Variants in TMEM232 observed in about 807,000 individuals in gnomAD.
TMEM232 encodes transmembrane protein 232.
Under a neutral mutation model 78.8 loss-of-function variants are expected in TMEM232, and 80 were observed. The ratio of observed to expected loss-of-function variants is 1.01; its 90% confidence interval spans 0.85 to 1.22. The LOEUF (loss-of-function observed/expected upper bound fraction) is 1.22. TMEM232 is among the 50% of genes most tolerant of loss of function. The pLI, the probability that TMEM232 is intolerant of heterozygous loss-of-function variation, is 0.00. For synonymous variants in TMEM232, 297 were observed against 254.3 expected, an observed-to-expected ratio of 1.17 and a Z score of -1.60; for missense variants, 881 against 742.2, an observed-to-expected ratio of 1.19 and a Z score of -2.17.
At chr5:110,692,150 G>A (rs116582456) in intron 1 of TMEM232, among the ~76,000 whole-genome samples, 1,793 of 152,122 alleles carry the variant, frequency 0.012, 23 homozygotes, top group African/African-American at 0.035. Context: ...CTTGTACTCC[G>A]GACTCATGAT....
chr5:110,524,415 GAAAAGAAAAGA>G (rs1175791313), intron 12 of TMEM232, among the ~76,000 whole-genome samples: 3 of 62,818 alleles, frequency 4.8e-5, no homozygotes, highest in East Asian at 6.0e-4. Context: ...AAGAAAGAAA[GAAAAGAAAAGA>G]AAAGAAAAGA....
intron 10 of TMEM232, among the ~76,000 whole-genome samples, chr5:110,587,537 T>G (rs1342824608): frequency 6.6e-6 from 1 of 151,746 alleles, no homozygotes; most frequent in East Asian, 1.9e-4. Context: ...CTACATTTAG[T>G]TGCCAACACA....
chr5:110,554,264 A>G (rs1298887834), intron 11 of TMEM232, among the ~76,000 whole-genome samples: 2 of 152,058 alleles, frequency 1.3e-5, no homozygotes, highest in Non-Finnish European at 2.9e-5. Flanking sequence ...AAAAATGTGA[A>G]AAGAGAGACT....
chr5:110,597,913 A>C (rs1412671443), intron 10 of TMEM232, among the ~76,000 whole-genome samples: 1 of 152,242 alleles, frequency 6.6e-6, no homozygotes, highest in Non-Finnish European at 1.5e-5. Context: ...TAAAAACCCT[A>C]GAAGAAACCT....
intron 10 of TMEM232, among the ~76,000 whole-genome samples, chr5:110,571,425 C>G (rs952693353): frequency 1.3e-4 from 19 of 151,890 alleles, no homozygotes; most frequent in African/African-American, 4.1e-4. Flanking sequence ...ACATTTAGGT[C>G]AGGAATATGG....
intron 2 of TMEM232, among the ~76,000 whole-genome samples, chr5:110,663,731 G>A (rs1790125703): frequency 7.8e-6 from 1 of 127,954 alleles, no homozygotes. Flanking sequence ...GGAAGGAAAT[G>A]TGTGTGTGTG....
chr5:110,394,295 A>C (rs1415558944), intron 3 of TMEM232, among the ~76,000 whole-genome samples: 1 of 152,180 alleles, frequency 6.6e-6, no homozygotes, highest in East Asian at 1.9e-4. Flanking sequence ...CATTCTTTTT[A>C]TGTCTACATG....
chr5:110,591,816 A>C (rs1779575813), intron 10 of TMEM232, among the ~76,000 whole-genome samples: 1 of 152,162 alleles, frequency 6.6e-6, no homozygotes, highest in Non-Finnish European at 1.5e-5. Flanking sequence ...TAAAGGTATT[A>C]TTATGAGAAA....
intron 11 of TMEM232, among the ~76,000 whole-genome samples, chr5:110,533,992 T>C (rs1227508209): frequency 1.3e-5 from 2 of 152,164 alleles, no homozygotes; most frequent in Non-Finnish European, 2.9e-5. Flanking sequence ...TCAAGGATTA[T>C]TGAGGCCCTC....
intron 11 of TMEM232, among the ~76,000 whole-genome samples, chr5:110,530,229 G>A (rs1056823189): frequency 6.6e-6 from 1 of 152,150 alleles, no homozygotes; most frequent in Admixed American, 6.5e-5. Flanking sequence ...TTAAAGTAAT[G>A]AGAAAAATAG....
At position 110,515,765 on chromosome 5, in the gene TMEM232, C is replaced by G. The variant is rs371190229; in HGVS notation, c.1703+12823G>C. ...TTAGCTACTCCTGCTTCTACTACTA[C>G]GGCACCAGCTCCTTTTATAAAGGAA... On this transcript the variant is annotated intron_variant, in intron 12 of 13. Coordinates refer to ENST00000455884, the MANE Select transcript of TMEM232 (RefSeq NM_001039763.4). 2.4e-4 allele frequency among the ~76,000 whole-genome samples: 36 copies of G among 152,310 alleles called. No homozygotes were observed. The South Asian group carries it at 6.8e-3, about 29-fold the overall frequency.
chr5:110,437,449 C>T (rs1758564202), intron 12 of TMEM232, among the ~76,000 whole-genome samples: 2 of 152,014 alleles, frequency 1.3e-5, no homozygotes, highest in South Asian at 2.1e-4. Flanking sequence ...ATGAATTAAA[C>T]ATTTCAAGAT....
At chr5:110,466,681 C>T (rs778488568) in intron 12 of TMEM232, among the ~76,000 whole-genome samples, 4 of 150,696 alleles carry the variant, frequency 2.7e-5, no homozygotes, top group Non-Finnish European at 5.9e-5. Context: ...GGCGCAATCT[C>T]GGCTCACAGC....
chr5:110,721,664 T>C (rs1201985114), intron 1 of TMEM232, among the ~76,000 whole-genome samples: 7 of 109,216 alleles, frequency 6.4e-5, no homozygotes, highest in Admixed American at 3.9e-4. Context: ...CATGTGTGTG[T>C]GTGTGTGTGT....
At chr5:110,406,631 G>A (rs1389778023) in intron 2 of TMEM232, among the ~76,000 whole-genome samples, 2 of 152,030 alleles carry the variant, frequency 1.3e-5, no homozygotes, top group African/African-American at 4.8e-5. Flanking sequence ...GCTAAAGGGA[G>A]TACGTTTCAA....
At chr5:110,732,082 A>C (rs543786951) in intron 2 of TMEM232, among the ~76,000 whole-genome samples, 258 of 152,294 alleles carry the variant, frequency 1.7e-3, no homozygotes, top group African/African-American at 5.8e-3. Context: ...GGCAAAGGCA[A>C]AATGCCACTA....
intron 4 of TMEM232, among the ~76,000 whole-genome samples, chr5:110,390,120 C>T (rs1402182664): frequency 6.6e-6 from 1 of 152,056 alleles, no homozygotes; most frequent in Non-Finnish European, 1.5e-5. Flanking sequence ...ACCAATTGAG[C>T]TTTTTATGTC....
intron 12 of TMEM232, among the ~76,000 whole-genome samples, chr5:110,504,171 T>A (rs1209473806): frequency 6.6e-6 from 1 of 152,248 alleles, no homozygotes; most frequent in Non-Finnish European, 1.5e-5. Context: ...TGCAGATTTT[T>A]TACTAGTTTT....
rs778597778 is a variant in TMEM232 at position 110,457,539 on chromosome 5, AC to A, written c.1704-32624del. The stretch of plus-strand genomic sequence containing the variant: ...GAAATAAAAATCTGTTTGTTCAAAA[AC>A]TTTTACATAAATGTTTATAGTGATA... On this transcript the variant is annotated intron_variant, in intron 12 of 13. Transcript: ENST00000455884. 2.0e-5 allele frequency among the ~76,000 whole-genome samples: 3 copies of A among 152,224 alleles called. No individual in the cohort carries two copies. In the South Asian group the frequency reaches 6.2e-4, roughly 32 times the overall value.
Sources: gnomAD v4.1 joint callset for allele counts (sites outside exome capture counted in the v4.1 genomes callset) on GRCh38, gnomAD v4.1.1 for gene constraint, MANE v1.5 for transcripts, NCBI Gene and HGNC (gene_info 2026-07-23, HGNC 2026-07-21) for gene names.